The following CHCHD3 variants were observed in gnomAD, a reference collection of about 807,000 sequenced individuals.
The protein encoded by CHCHD3 is MICOS complex subunit MIC19.
Under a neutral mutation model 38.2 loss-of-function variants are expected in CHCHD3, and 20 were observed. That is an observed-to-expected ratio of 0.52 (90% CI 0.37 to 0.76). The LOEUF is 0.76. Among genes scored for constraint, CHCHD3 ranks in the 30% least tolerant of loss-of-function variants. CHCHD3 has a pLI of 0.00. For synonymous variants in CHCHD3, 82 were observed against 100.0 expected, an observed-to-expected ratio of 0.82 and a Z score of 1.07; for missense variants, 245 against 279.2, an observed-to-expected ratio of 0.88 and a Z score of 0.87.
At chr7:132,945,758 C>T (rs1409456124) in intron 4 of CHCHD3, among the ~76,000 whole-genome samples, 1 of 151,862 alleles carries the variant, frequency 6.6e-6, no homozygotes, top group Non-Finnish European at 1.5e-5. Flanking sequence ...AAAATGTAGG[C>T]ATTGACACTA....
At chr7:132,818,977 C>T (rs530370559) in intron 6 of CHCHD3, among the ~76,000 whole-genome samples, 2 of 152,324 alleles carry the variant, frequency 1.3e-5, no homozygotes, top group Admixed American at 6.5e-5. Context: ...GTAATGAAGA[C>T]CATTAACAGC....
At chr7:132,892,966 T>A (rs1045659986) in intron 4 of CHCHD3, among the ~76,000 whole-genome samples, 1 of 152,228 alleles carries the variant, frequency 6.6e-6, no homozygotes, top group Admixed American at 6.5e-5. Context: ...GCTAGGGCAG[T>A]GCAGAAGGGA....
At position 132,986,315 on chromosome 7, in the gene CHCHD3, C is replaced by A. The variant is rs12666492; in HGVS notation, c.252-11029G>T. ...TAGGAAAACCAGAGACCTTTGTTCA[C>A]TTATCTGCTGACCTTCCCTCCACTA... On this transcript the variant is annotated intron_variant, in intron 3 of 7. Coordinates refer to ENST00000262570, the MANE Select transcript of CHCHD3 (RefSeq NM_017812.4). 2.6e-3 allele frequency among the ~76,000 whole-genome samples: 385 copies of A among 148,738 alleles called. 14 individuals are homozygous for A. In the East Asian group the frequency reaches 0.062, roughly 24 times the overall value.
chr7:132,938,575 A>G lies in CHCHD3; in HGVS notation c.369+36594T>C, dbSNP rs988323758. 6.6e-5 allele frequency among the ~76,000 whole-genome samples: 8 copies of G among 120,940 alleles called. No individual in the cohort carries two copies. The Admixed American group carries it at 7.1e-4, about 11-fold the overall frequency. 79.3% of individuals were successfully genotyped at this position (120,940 alleles called of 152,430 possible). A position where few individuals can be genotyped will look rare whatever the true frequency, so the allele number is the denominator to read the frequency against. On this transcript the variant is annotated intron_variant, in intron 4 of 7. Coordinates refer to ENST00000262570, the MANE Select transcript of CHCHD3 (RefSeq NM_017812.4). ...ATTTAATTCAATACACAGCTAAAGT[A>G]CATCACCCAGGTAAACTAACTACTC...
At chr7:132,952,877 A>G (rs1811064817) in intron 4 of CHCHD3, among the ~76,000 whole-genome samples, 1 of 152,254 alleles carries the variant, frequency 6.6e-6, no homozygotes, top group South Asian at 2.1e-4. Flanking sequence ...TGCACTTTTC[A>G]AAAGACCTTT....
At chr7:132,991,323 A>C (rs1812279841) in intron 3 of CHCHD3, among the ~76,000 whole-genome samples, 1 of 152,002 alleles carries the variant, frequency 6.6e-6, no homozygotes, top group South Asian at 2.1e-4. Context: ...CAATCCATTA[A>C]TTTTTAACCT....
chr7:132,921,352 G>T (rs548039602), intron 4 of CHCHD3, among the ~76,000 whole-genome samples: 2 of 151,920 alleles, frequency 1.3e-5, no homozygotes, highest in Non-Finnish European at 1.5e-5. Context: ...TTTCCTCCAG[G>T]CTCTGAAATT....
chr7:132,829,762 A>C, intron 6 of CHCHD3, among the ~76,000 whole-genome samples: 1 of 152,174 alleles, frequency 6.6e-6, no homozygotes, highest in Middle Eastern at 3.2e-3. Flanking sequence ...AAAGTTTCCA[A>C]AGTGACCCTT....
intron 4 of CHCHD3, among the ~76,000 whole-genome samples, chr7:132,969,039 A>C (rs1811545154): frequency 6.6e-6 from 1 of 152,152 alleles, no homozygotes; most frequent in South Asian, 2.1e-4. Context: ...TGATTGCTTC[A>C]CTGGTGCATT....
intron 4 of CHCHD3, among the ~76,000 whole-genome samples, chr7:132,952,867 T>C (rs1228106773): frequency 2.0e-5 from 3 of 152,230 alleles, no homozygotes; most frequent in Non-Finnish European, 4.4e-5. Context: ...AGTAAAATAC[T>C]GCACTTTTCA....
At chr7:132,979,381 G>A (rs772029946) in intron 3 of CHCHD3, among the ~76,000 whole-genome samples, 3 of 152,168 alleles carry the variant, frequency 2.0e-5, no homozygotes, top group Non-Finnish European at 4.4e-5. Flanking sequence ...ATTACTAGGT[G>A]AAAGGGACTA....
In CHCHD3 at chr7:133,061,016, G is replaced by A. The variant is rs541458773; in HGVS notation, c.169+9126C>T. The stretch of plus-strand genomic sequence containing the variant: ...AGACAAAGGTCTGTCTGCCAGCAAG[G>A]TCTTGTACAAAAGCAGTATTTGGGC... On this transcript the variant is annotated intron_variant, in intron 2 of 7. Coordinates refer to ENST00000262570, the MANE Select transcript of CHCHD3 (RefSeq NM_017812.4). 2.0e-5 allele frequency among the ~76,000 whole-genome samples: 3 copies of A among 152,274 alleles called. No homozygotes were observed. The South Asian group carries it at 6.2e-4, about 32-fold the overall frequency.
chr7:132,901,488 G>A (rs1469539390), intron 4 of CHCHD3, among the ~76,000 whole-genome samples: 1 of 152,216 alleles, frequency 6.6e-6, no homozygotes, highest in Non-Finnish European at 1.5e-5. Flanking sequence ...ACAGGAGGGA[G>A]GCAGGGGGTC....
intron 4 of CHCHD3, among the ~76,000 whole-genome samples, chr7:132,902,586 C>A (rs1466397910): frequency 6.6e-6 from 1 of 152,162 alleles, no homozygotes; most frequent in Non-Finnish European, 1.5e-5. Flanking sequence ...CCAAACACCA[C>A]ATGTTCTCAC....
intron 6 of CHCHD3, among the ~76,000 whole-genome samples, chr7:132,829,177 A>C (rs926900912): frequency 6.6e-6 from 1 of 152,222 alleles, no homozygotes; most frequent in African/African-American, 2.4e-5. Flanking sequence ...TCTCAGTTAG[A>C]AATGTCTTTT....
chr7:132,852,815 C>T (rs1433079156), intron 5 of CHCHD3, among the ~76,000 whole-genome samples: 3 of 152,188 alleles, frequency 2.0e-5, no homozygotes, highest in South Asian at 2.1e-4. Context: ...TTGCCTTCCT[C>T]CCACTTTTGC....
intron 3 of CHCHD3, among the ~76,000 whole-genome samples, chr7:132,984,558 T>C (rs1278619432): frequency 1.6e-5 from 2 of 128,948 alleles, no homozygotes; most frequent in Admixed American, 7.7e-5. Context: ...TCTGCCTGGC[T>C]GCCCAGTCTG....
intron 7 of CHCHD3, among the ~76,000 whole-genome samples, chr7:132,790,836 T>C (rs532467065): frequency 6.6e-6 from 1 of 152,290 alleles, no homozygotes; most frequent in East Asian, 1.9e-4. Context: ...AGCTGTGAGC[T>C]AGCCAGGGGA....
At chr7:133,064,939 A>G (rs1439374574) in intron 2 of CHCHD3, among the ~76,000 whole-genome samples, 1 of 152,180 alleles carries the variant, frequency 6.6e-6, no homozygotes, top group Non-Finnish European at 1.5e-5. Context: ...AGGGTCAACC[A>G]TGAGAGGTCT....
Sources: allele counts gnomAD v4.1 joint callset (sites outside exome capture counted in the v4.1 genomes callset), GRCh38; gene constraint gnomAD v4.1.1; transcripts MANE v1.5; gene names NCBI Gene and HGNC (gene_info 2026-07-23, HGNC 2026-07-21).